CUX1: variants seen among roughly 807,000 people sequenced by gnomAD.
The protein encoded by CUX1 is cut like homeobox 1, also known as protein CASP.
In CUX1, 31 loss-of-function variants were observed where a neutral mutation model predicts 158.8. That is an observed-to-expected ratio of 0.20 (90% confidence interval 0.15 to 0.26). CUX1 has a LOEUF of 0.26. Among genes scored for constraint, CUX1 ranks in the 10% least tolerant of loss-of-function variants. The pLI is 1.00. For synonymous variants in CUX1, 879 were observed against 862.1 expected (o/e 1.02, Z -0.34); for missense variants, 1,589 against 2,014.6 (o/e 0.79, Z 4.04).
Position 101,822,075 on chromosome 7 carries a change from C to G in CUX1, c.30+4406C>G, listed in dbSNP as rs568781268. Among the ~76,000 whole-genome samples, 10 of 152,032 alleles carry G rather than the reference C, an allele frequency of 6.6e-5. No individual in the cohort carries two copies. The East Asian group carries it at 1.7e-3, about 27-fold the overall frequency. On this transcript the variant is annotated intron_variant, in intron 1 of 23. Transcript: ENST00000292535. The stretch of plus-strand genomic sequence containing the variant: ...TTCACTGTGTTAGCCAGGATGGTCT[C>G]GATCTCCTGACCTCGTGATCTGCCC...
chr7:101,967,465 C>T (rs1401340768), intron 2 of CUX1, among the ~76,000 whole-genome samples: 10 of 152,190 alleles, frequency 6.6e-5, no homozygotes. Flanking sequence ...TTCAAAACTG[C>T]AGGTTTCAGA....
chr7:101,928,832 G>A (rs1475059084), intron 2 of CUX1, among the ~76,000 whole-genome samples: 2 of 150,726 alleles, frequency 1.3e-5, no homozygotes, highest in Admixed American at 6.6e-5. Context: ...CACTACGCCC[G>A]GCTAATTTTT....
At chr7:102,191,007 C>T (rs138092341) in intron 12 of CUX1, among the ~76,000 whole-genome samples, 291 of 152,282 alleles carry the variant, frequency 1.9e-3, no homozygotes, top group East Asian at 3.3e-3. Flanking sequence ...AAAAGCTCCT[C>T]GGGCATCCTC....
intron 20 of CUX1, among the ~76,000 whole-genome samples, chr7:102,217,465 A>G (rs1554525274): frequency 6.6e-6 from 1 of 152,250 alleles, no homozygotes; most frequent in African/African-American, 2.4e-5. Flanking sequence ...CGTGCATTTC[A>G]GGCCAACACA....
rs10643207 is a variant in CUX1, at chr7:101,976,900, A to ATTTTTTTTTTT, written c.142-51180_142-51170dup. On this transcript the variant is annotated intron_variant, in intron 2 of 23. Transcript: ENST00000292535. ...ATTTGAATAGTCTTTTCCCTTTCTG[A>ATTTTTTTTTTT]TTTTTTTTTTTTTTTTTTTTTTTTT... Among the ~76,000 whole-genome samples the ATTTTTTTTTTT allele has an allele frequency of 7.2e-3, 283 of 39,450 alleles. 36 individuals are homozygous for ATTTTTTTTTTT. The highest frequency in any genetic ancestry group is 9.1e-3 in the Non-Finnish European group (216 of 23,750). 25.9% of individuals were successfully genotyped at this position (39,450 alleles called of 152,430 possible). A position where few individuals can be genotyped will look rare whatever the true frequency, so the allele number is the denominator to read the frequency against.
chr7:101,947,527 C>T (rs945106378), intron 2 of CUX1, among the ~76,000 whole-genome samples: 7 of 152,190 alleles, frequency 4.6e-5, no homozygotes. Flanking sequence ...TGCCCCAGCA[C>T]GGGGCATGCC....
At chr7:101,936,020 G>A (rs1206437537) in intron 2 of CUX1, among the ~76,000 whole-genome samples, 3 of 152,204 alleles carry the variant, frequency 2.0e-5, no homozygotes, top group African/African-American at 4.8e-5. Context: ...ACGATCTGTT[G>A]TGGACCAGCT....
At chr7:101,888,857 C>T (rs925300352) in intron 1 of CUX1, among the ~76,000 whole-genome samples, 10 of 152,100 alleles carry the variant, frequency 6.6e-5, no homozygotes, top group South Asian at 2.1e-4. Context: ...CCCAAAGTGC[C>T]GGAATTATAG....
intron 3 of CUX1, among the ~76,000 whole-genome samples, chr7:102,041,813 G>A (rs1364285954): frequency 6.6e-6 from 1 of 151,818 alleles, no homozygotes; most frequent in Non-Finnish European, 1.5e-5. Context: ...GACTACAGGT[G>A]CACACCACTA....
At chr7:102,164,548 G>A (rs1028867742) in intron 9 of CUX1, among the ~76,000 whole-genome samples, 3 of 152,188 alleles carry the variant, frequency 2.0e-5, no homozygotes, top group Admixed American at 6.5e-5. Context: ...TCTCCAGGTT[G>A]AGGTTAGGGG....
At chr7:102,127,640 AAC>A (rs1323295651) in intron 8 of CUX1, among the ~76,000 whole-genome samples, 163 of 152,272 alleles carry the variant, frequency 1.1e-3, no homozygotes, top group African/African-American at 3.7e-3. Flanking sequence ...ATTCTTCAGA[AAC>A]ACAGTGCATA....
intron 2 of CUX1, among the ~76,000 whole-genome samples, chr7:101,966,467 G>A (rs899308935): frequency 2.6e-5 from 4 of 152,086 alleles, no homozygotes; most frequent in Admixed American, 2.0e-4. Flanking sequence ...GGGCACATGG[G>A]GACTGGTGTT....
chr7:102,115,407 C>G (rs999961678), intron 8 of CUX1, 134 bp downstream of exon 8: 2 of 713,664 alleles, frequency 2.8e-6, no homozygotes, highest in East Asian at 5.6e-5. Context: ...GAGTTACTTG[C>G]GTCGGTTCAA....
intron 8 of CUX1, 186 bp downstream of exon 8, chr7:102,115,459 T>A (rs1831346366): frequency 4.0e-6 from 2 of 502,916 alleles, no homozygotes; most frequent in Middle Eastern, 2.9e-4. Flanking sequence ...CCAACAAACT[T>A]CTTTCCTTCT....
chr7:101,875,615 C>T (rs965298788), intron 1 of CUX1, among the ~76,000 whole-genome samples: 3 of 152,016 alleles, frequency 2.0e-5, no homozygotes, highest in African/African-American at 7.2e-5. Flanking sequence ...GTGTGTGTAC[C>T]ACTCGTACCT....
chr7:102,113,669 T>C (rs1162385382), intron 7 of CUX1, among the ~76,000 whole-genome samples: 3 of 152,202 alleles, frequency 2.0e-5, no homozygotes, highest in African/African-American at 7.2e-5. Flanking sequence ...GTGATCCTCC[T>C]GCCTCAGCCT....
chr7:101,908,580 A>G (rs1803032626), intron 1 of CUX1, among the ~76,000 whole-genome samples: 1 of 151,468 alleles, frequency 6.6e-6, no homozygotes, highest in Non-Finnish European at 1.5e-5. Flanking sequence ...AAGTGCTGGG[A>G]TTACAGGTGT....
intron 23 of CUX1, among the ~76,000 whole-genome samples, chr7:102,244,047 A>T (rs1017816658): frequency 2.0e-5 from 3 of 151,836 alleles, no homozygotes; most frequent in African/African-American, 4.8e-5. Flanking sequence ...AAATAAAAAT[A>T]AAAAAAGACC....
At chr7:102,217,836 C>A (rs10263474) in intron 20 of CUX1, among the ~76,000 whole-genome samples, 9,949 of 91,122 alleles carry the variant, frequency 0.11, 580 homozygotes, top group African/African-American at 0.21. Context: ...TCTGGATGGA[C>A]GTGATGGTGT....
Sources: gnomAD v4.1 joint callset for allele counts (sites outside exome capture counted in the v4.1 genomes callset) on GRCh38, gnomAD v4.1.1 for gene constraint, MANE v1.5 for transcripts, NCBI Gene and HGNC (gene_info 2026-07-23, HGNC 2026-07-21) for gene names.